The following GREB1L variants were observed in gnomAD, a reference collection of about 807,000 sequenced individuals.
The protein encoded by GREB1L is GREB1 like retinoic acid receptor coactivator, also known as GREB1-like protein.
GREB1L carries 17 observed loss-of-function variants against 200.8 expected under a neutral mutation model. That is an observed-to-expected ratio of 0.08 (90% CI 0.06 to 0.13). The LOEUF (loss-of-function observed/expected upper bound fraction) is 0.13. GREB1L is among the 10% of genes least tolerant of loss of function. GREB1L has a pLI of 1.00. For missense variants in GREB1L, 1,657 were observed against 2,367.7 expected (o/e 0.70, Z 6.23); for synonymous variants, 789 against 893.0 (o/e 0.88, Z 2.08).
At position 21,383,555 on chromosome 18, in the gene GREB1L, C is replaced by T. The variant is rs777707946; in HGVS notation, c.37C>T (p.Arg13Ter). 1.9e-6 allele frequency: 3 copies of T among 1,545,986 alleles called. No individual in the cohort carries two copies. The highest frequency in any genetic ancestry group is 2.6e-6 in the Non-Finnish European group (3 of 1,145,268). The change falls in exon 3 of 33, where the codon CGA becomes TGA. Residue 13 changes from arginine to a stop codon, truncating the protein, a stop_gained. Transcript: ENST00000424526. LOFTEE classifies it high-confidence loss of function. Reference protein sequence around the residue: ...NSYAGQLKSARFEEALHNSIE... With the variant: ...NSYAGQLKSA The stretch of plus-strand genomic sequence containing the variant: ...ATATGCTGGGCAACTGAAATCTGCT[C>T]GATTTGAGGAAGCTCTCCACAACTC...
intron 1 of GREB1L, among the ~76,000 whole-genome samples, chr18:21,336,980 C>T: frequency 7.2e-6 from 1 of 138,118 alleles, no homozygotes; most frequent in Admixed American, 6.8e-5. Flanking sequence ...GATTTTATTG[C>T]TTAACTTTTC....
At chr18:21,450,163 C>T (rs1188104476) in intron 12 of GREB1L, among the ~76,000 whole-genome samples, 1 of 152,228 alleles carries the variant, frequency 6.6e-6, no homozygotes, top group African/African-American at 2.4e-5. Context: ...AAAGCCAGTG[C>T]CACAGGTGGC....
At chr18:21,416,412 C>T (rs968890052) in intron 7 of GREB1L, among the ~76,000 whole-genome samples, 18 of 151,992 alleles carry the variant, frequency 1.2e-4, no homozygotes, top group Admixed American at 3.3e-4. Flanking sequence ...ATTATAAACC[C>T]ACAGATCCAA....
In GREB1L at chr18:21,496,631, C is replaced by T. The variant is rs771484777; in HGVS notation, c.3324C>T (p.Asp1108=). The stretch of plus-strand genomic sequence containing the variant: ...AGAGAGCTGCTGTCAGTGAGAATGA[C>T]TCCGATGAGCTGCTCATCGACCTGG... ...EQERAAVSEN[D]SDELLIDLER... Residue 1108 remains aspartate (D), a synonymous_variant, in exon 21 of 33, where the codon GAC becomes GAT. Transcript: ENST00000424526. 5.5e-5 allele frequency: 86 copies of T among 1,551,582 alleles called. No individual in the cohort carries two copies. Among genetic ancestry groups the T allele is most frequent in the Middle Eastern group, 1.7e-4 (1 of 6,004 alleles).
Position 21,522,571 on chromosome 18 carries a change from G to T in GREB1L, c.5609-87G>T, listed in dbSNP as rs543209146. The T allele has an allele frequency of 1.0e-3, 1,044 of 1,047,282 alleles. 29 individuals are homozygous for T. The South Asian group carries it at 0.02, about 20-fold the overall frequency. 64.9% of individuals were successfully genotyped at this position (1,047,282 alleles called of 1,614,324 possible). A position where few individuals can be genotyped will look rare whatever the true frequency, so the allele number is the denominator to read the frequency against. ...TATCCATCTGTTGGTTCTCAGATGT[G>T]TTAGCTTAGGAAATATAATCAGAGA... On this transcript the variant is annotated intron_variant, in intron 32 of 32. Coordinates refer to ENST00000424526, the MANE Select transcript of GREB1L (RefSeq NM_001142966.3).
chr18:21,508,109 C>A lies in GREB1L; in HGVS notation c.4369-9C>A. 6.4e-7 allele frequency: 1 copy of A among 1,551,080 alleles called. No individual in the cohort carries two copies. The highest frequency in any genetic ancestry group is 8.7e-7 in the Non-Finnish European group (1 of 1,146,718). On this transcript the variant is annotated splice_polypyrimidine_tract_variant and intron_variant, in intron 25 of 32. Transcript: ENST00000424526. ...TTACGTTCCCTCCCTTTCTTCTTTG[C>A]AAATGTAGATGTCTGACTCCACCCT...
chr18:21,283,979 A>G (rs557116006), intron 1 of GREB1L, among the ~76,000 whole-genome samples: 12 of 152,346 alleles, frequency 7.9e-5, no homozygotes, highest in Non-Finnish European at 1.6e-4. Context: ...AAACTTTTAA[A>G]GCCAGCTTCC....
chr18:21,312,208 CT>C (rs1191862123), intron 1 of GREB1L, among the ~76,000 whole-genome samples: 1 of 152,144 alleles, frequency 6.6e-6, no homozygotes, highest in African/African-American at 2.4e-5. Flanking sequence ...AACACATTTT[CT>C]TTATCCAGTT....
chr18:21,445,250 G>A (rs187402119), intron 11 of GREB1L, among the ~76,000 whole-genome samples: 7 of 152,342 alleles, frequency 4.6e-5, no homozygotes, highest in African/African-American at 1.7e-4. Context: ...CAAGGTGGGC[G>A]GATCACCTGA....
intron 1 of GREB1L, among the ~76,000 whole-genome samples, chr18:21,252,743 C>G (rs957869441): frequency 6.6e-6 from 1 of 151,560 alleles, no homozygotes; most frequent in Non-Finnish European, 1.5e-5. Flanking sequence ...TGGCGGGTGC[C>G]TGTAATCCCA....
chr18:21,274,286 C>T lies in GREB1L; in HGVS notation c.-120+31893C>T, dbSNP rs9955636. Among the ~76,000 whole-genome samples the T allele has an allele frequency of 2.5e-3, 379 of 152,274 alleles. 2 individuals carry two copies. Among genetic ancestry groups the T allele is most frequent in the African/African-American group, 8.7e-3 (361 of 41,542 alleles). ...TTATGACCTGATTACCTCCCAAAAA[C>T]TTAACTCCTAAAACCATCACCTTGG... On this transcript the variant is annotated intron_variant, in intron 1 of 32. Coordinates refer to ENST00000424526, the MANE Select transcript of GREB1L (RefSeq NM_001142966.3).
chr18:21,352,688 C>G (rs1038334090), intron 1 of GREB1L, among the ~76,000 whole-genome samples: 3 of 151,828 alleles, frequency 2.0e-5, no homozygotes, highest in Non-Finnish European at 4.4e-5. Flanking sequence ...CCCGCCTCAG[C>G]CTCCGAAAGT....
At chr18:21,340,609 C>G (rs1477190446) in intron 1 of GREB1L, among the ~76,000 whole-genome samples, 1 of 151,608 alleles carries the variant, frequency 6.6e-6, no homozygotes, top group African/African-American at 2.4e-5. Flanking sequence ...ATGGCACAAT[C>G]TCAGCTCACT....
intron 15 of GREB1L, among the ~76,000 whole-genome samples, chr18:21,459,998 A>G (rs936211159): frequency 2.0e-5 from 3 of 152,012 alleles, no homozygotes; most frequent in African/African-American, 7.2e-5. Flanking sequence ...GCCTCGTCAT[A>G]CCCTGGACCC....
chr18:21,404,236 A>G (rs1204853734), intron 7 of GREB1L, among the ~76,000 whole-genome samples: 2 of 152,294 alleles, frequency 1.3e-5, no homozygotes, highest in Non-Finnish European at 2.9e-5. Context: ...ACCTCATTCT[A>G]GGGGAGACTG....
Position 21,449,667 on chromosome 18 carries a change from A to T in GREB1L, c.1551A>T (p.Val517=), listed in dbSNP as rs2145405058. 6.4e-7 allele frequency: 1 copy of T among 1,551,696 alleles called. No homozygotes were observed. Among genetic ancestry groups the T allele is most frequent in the Middle Eastern group, 1.7e-4 (1 of 5,992 alleles). The change falls in exon 12 of 33, where the codon GTA becomes GTT. Residue 517 remains valine, a synonymous_variant. Coordinates refer to ENST00000424526, the MANE Select transcript of GREB1L (RefSeq NM_001142966.3). The part of the protein sequence containing the change: ...LPWLARLIAS[V]SQDLVHVVVT... ...GGCTTGCTAGATTAATTGCCAGCGT[A>T]TCTCAAGACTTGGTTCATGTGGTTG...
intron 15 of GREB1L, among the ~76,000 whole-genome samples, chr18:21,457,466 A>T (rs764032569): frequency 3.3e-5 from 5 of 152,238 alleles, no homozygotes; most frequent in Non-Finnish European, 7.3e-5. Flanking sequence ...TAAAAAATAA[A>T]GTAGAAACCT....
chr18:21,505,621 C>T (rs73960439), intron 24 of GREB1L, 54 bp downstream of exon 24: 1 of 1,530,896 alleles, frequency 6.5e-7, no homozygotes, highest in Non-Finnish European at 8.8e-7. Flanking sequence ...GACACTAGCT[C>T]AGGGTGCCTT....
At chr18:21,297,506 A>G (rs1369419379) in intron 1 of GREB1L, among the ~76,000 whole-genome samples, 5 of 152,126 alleles carry the variant, frequency 3.3e-5, no homozygotes, top group Non-Finnish European at 5.9e-5. Context: ...AAAGGATGTT[A>G]TGTGTGTCAT....
Sources: allele counts gnomAD v4.1 joint callset (sites outside exome capture counted in the v4.1 genomes callset), GRCh38; gene constraint gnomAD v4.1.1; transcripts MANE v1.5; gene names NCBI Gene and HGNC (gene_info 2026-07-23, HGNC 2026-07-21).